Variants in CLCN3 observed in about 807,000 individuals in gnomAD.
The protein encoded by CLCN3 is H(+)/Cl(-) exchange transporter 3.
A neutral mutation model predicts 83.4 loss-of-function variants in CLCN3; 16 were observed. The observed-to-expected ratio is 0.19, with a 90% confidence interval of 0.13 to 0.29. CLCN3 has a LOEUF of 0.29. CLCN3 is among the 10% of genes least tolerant of loss of function. The pLI is 1.00. For missense variants in CLCN3, 544 were observed against 1,006.0 expected (o/e 0.54, Z 6.21); for synonymous variants, 322 against 346.2 (o/e 0.93, Z 0.78).
At chr4:169,671,056 A>C (rs1345284947) in intron 2 of CLCN3, among the ~76,000 whole-genome samples, 1 of 152,252 alleles carries the variant, frequency 6.6e-6, no homozygotes, top group African/African-American at 2.4e-5. Flanking sequence ...TCAAGGATCT[A>C]GAACCAGAAA....
chr4:169,624,051 T>C (rs1773169875), intron 1 of CLCN3, among the ~76,000 whole-genome samples: 1 of 152,226 alleles, frequency 6.6e-6, no homozygotes, highest in African/African-American at 2.4e-5. Context: ...TTGATTTTAC[T>C]TTGGGTACTC....
In CLCN3 at chr4:169,721,270, A is replaced by G. The variant is rs1733630161; in HGVS notation, c.*1273A>G. On this transcript the variant is annotated 3_prime_UTR_variant, in exon 13 of 13. Transcript: ENST00000513761. ...ACCTTTTTAATGTGATTTTTATAGA[A>G]TAATTCAGACTTACAAATACAGAGA... The G allele has an allele frequency of 6.6e-6, 1 of 152,194 alleles. No individual in the cohort carries two copies. The highest frequency in any genetic ancestry group is 1.5e-5 in the Non-Finnish European group (1 of 68,044). 9.4% of individuals were successfully genotyped at this position (152,194 alleles called of 1,614,324 possible). A position where few individuals can be genotyped will look rare whatever the true frequency, so the allele number is the denominator to read the frequency against.
intron 2 of CLCN3, among the ~76,000 whole-genome samples, chr4:169,650,092 GA>G (rs980456341): frequency 5.4e-5 from 8 of 147,570 alleles, no homozygotes; most frequent in Admixed American, 1.4e-4. Context: ...CTATCTAAGA[GA>G]AAAAAAAAAT....
chr4:169,710,073 G>A (rs902652014), intron 11 of CLCN3, among the ~76,000 whole-genome samples: 7 of 152,132 alleles, frequency 4.6e-5, no homozygotes, highest in Middle Eastern at 3.4e-3. Flanking sequence ...AACAAAAACT[G>A]TATTTATGTA....
intron 10 of CLCN3, among the ~76,000 whole-genome samples, 161 bp downstream of exon 10, chr4:169,704,345 G>A (rs1009163670): frequency 2.6e-5 from 4 of 152,112 alleles, no homozygotes; most frequent in Non-Finnish European, 1.5e-5. Context: ...TACTATTAGG[G>A]TATTATACAG....
chr4:169,661,765 T>C (rs1275249111), intron 2 of CLCN3, among the ~76,000 whole-genome samples: 2 of 152,150 alleles, frequency 1.3e-5, no homozygotes, highest in Non-Finnish European at 2.9e-5. Context: ...AAATAATTTC[T>C]TGTAATCACA....
At chr4:169,718,739 C>T (rs915739841) in intron 12 of CLCN3, among the ~76,000 whole-genome samples, 1 of 152,206 alleles carries the variant, frequency 6.6e-6, no homozygotes, top group Non-Finnish European at 1.5e-5. Context: ...AAGTGCACAA[C>T]TGATTATGTA....
chr4:169,672,012 C>T (rs1392074932), intron 2 of CLCN3, among the ~76,000 whole-genome samples: 1 of 151,926 alleles, frequency 6.6e-6, no homozygotes, highest in Non-Finnish European at 1.5e-5. Context: ...GAGATTGAGA[C>T]CATCCTGGCT....
At chr4:169,702,777 C>CAGAAAAAA in intron 9 of CLCN3, 1 of 240,044 alleles carries the variant, frequency 4.2e-6, no homozygotes, top group Non-Finnish European at 8.2e-6. Context: ...CCCATCTCTA[C>CAGAAAAAA]AAAAAAAAAA....
intron 12 of CLCN3, chr4:169,717,756 T>C: frequency 7.4e-7 from 1 of 1,346,572 alleles, no homozygotes; most frequent in Non-Finnish European, 1.1e-6. Context: ...TTAATTTAAT[T>C]TCTCACACAG....
At position 169,707,179 on chromosome 4, in the gene CLCN3, A is replaced by G. The variant is rs768288344; in HGVS notation, c.2062A>G (p.Ser688Gly). 6.2e-7 allele frequency: 1 copy of G among 1,613,952 alleles called. No homozygotes were observed. The highest frequency in any genetic ancestry group is 1.1e-5 in the South Asian group (1 of 91,084). ...DDIENMINETSYNGFPVIMSK... is the reference protein window; with the variant it reads ...DDIENMINETGYNGFPVIMSK... ...TATAGAAAACATGATTAATGAAACC[A>G]GCTACAATGGATTTCCTGTCATAAT... Residue 688 changes from serine (S) to glycine (G), a missense_variant, in exon 11 of 13, where the codon AGC becomes GGC. This residue lies in a region of CLCN3 where 142 missense variants were observed against 225.0 expected (regional missense o/e 0.63). Transcript: ENST00000513761.
At chr4:169,657,587 A>G (rs117998780) in intron 2 of CLCN3, among the ~76,000 whole-genome samples, 1 of 152,334 alleles carries the variant, frequency 6.6e-6, no homozygotes, top group East Asian at 1.9e-4. Context: ...CTCTTAAAAT[A>G]TTATTATCAT....
chr4:169,685,880 T>A (rs2150244879), intron 3 of CLCN3, among the ~76,000 whole-genome samples: 1 of 152,282 alleles, frequency 6.6e-6, no homozygotes, highest in Admixed American at 6.5e-5. Context: ...TAAAGAATGG[T>A]TAATATCTGT....
rs145645119 is a variant in CLCN3 at position 169,701,850 on chromosome 4, A to G, written c.1564-2148A>G. On this transcript the variant is annotated intron_variant, in intron 9 of 12. Coordinates refer to ENST00000513761, the MANE Select transcript of CLCN3 (RefSeq NM_001829.4). The stretch of plus-strand genomic sequence containing the variant: ...CATACTTCTGGCATCTTGCATCCCT[A>G]TTCCATTGATTCTTCTTTTGGGGTG... Among the ~76,000 whole-genome samples, 9 of 152,276 alleles carry G rather than the reference A, an allele frequency of 5.9e-5. No homozygotes were observed. The East Asian group carries it at 1.7e-3, about 29-fold the overall frequency.
Position 169,630,486 on chromosome 4 carries a change from TG to T in CLCN3, c.-16-5426del, listed in dbSNP as rs1429282156. On this transcript the variant is annotated intron_variant, in intron 1 of 12. Coordinates refer to ENST00000513761, the MANE Select transcript of CLCN3 (RefSeq NM_001829.4). ...TTTTATTCTTTTTATGGCTGTGTAG[TG>T]TTCCATGGTGTATATGTACCATATT... Among the ~76,000 whole-genome samples the T allele has an allele frequency of 1.1e-4, 16 of 152,336 alleles. No individual in the cohort carries two copies. In the Middle Eastern group the frequency reaches 0.01, roughly 97 times the overall value.
At chr4:169,662,335 G>A (rs1322704966) in intron 2 of CLCN3, among the ~76,000 whole-genome samples, 1 of 152,140 alleles carries the variant, frequency 6.6e-6, no homozygotes, top group Non-Finnish European at 1.5e-5. Flanking sequence ...TGTATGTGTA[G>A]TAGAGATAAG....
chr4:169,655,792 G>T (rs886288771), intron 2 of CLCN3, among the ~76,000 whole-genome samples: 3 of 152,102 alleles, frequency 2.0e-5, no homozygotes. Context: ...GGCATGAGCC[G>T]CCATGCCTGG....
rs1219530656 is a variant in CLCN3 at position 169,687,686 on chromosome 4, G to A, written c.347G>A (p.Trp116Ter). 2 of 1,610,822 alleles carry A rather than the reference G, an allele frequency of 1.2e-6. No homozygotes were observed. Among genetic ancestry groups the A allele is most frequent in the Admixed American group, 1.7e-5 (1 of 59,688 alleles). The change falls in exon 4 of 13, where the codon TGG (tryptophan) becomes TAG (stop). Residue 116 changes from tryptophan (W) to a stop codon, truncating the protein, a stop_gained. Transcript: ENST00000513761. LOFTEE classifies it high-confidence loss of function. Reference sequence around the variant, plus strand: ...AACAGCAAAAAGAAAGAATCAGCATGGGAAATGACAAAAAGTTTGTATGAT... The same window carrying A: ...AACAGCAAAAAGAAAGAATCAGCATAGGAAATGACAAAAAGTTTGTATGAT... Reference protein sequence around the residue: ...RINSKKKESAWEMTKSLYDAW... With the variant: ...RINSKKKESA
intron 2 of CLCN3, among the ~76,000 whole-genome samples, chr4:169,651,827 C>T (rs1163824482): frequency 3.9e-5 from 6 of 152,118 alleles, no homozygotes; most frequent in African/African-American, 1.4e-4. Flanking sequence ...CTATTTTACA[C>T]AGTTCTGAAA....
Sources: allele counts gnomAD v4.1 joint callset (sites outside exome capture counted in the v4.1 genomes callset), GRCh38; gene constraint gnomAD v4.1.1; regional missense constraint gnomAD v4.1.1; transcripts MANE v1.5; gene names NCBI Gene and HGNC (gene_info 2026-07-23, HGNC 2026-07-21).